The following KIFBP variants were observed in gnomAD, a reference collection of about 807,000 sequenced individuals.
KIFBP encodes kinesin family binding protein.
Under a neutral mutation model 58.9 loss-of-function variants are expected in KIFBP, and 46 were observed. The observed-to-expected ratio is 0.78, with a 90% CI of 0.62 to 1.00. KIFBP has a LOEUF of 1.00. Among genes scored for constraint, KIFBP ranks in the 50% least tolerant of loss-of-function variants. The pLI, the probability that KIFBP is intolerant of heterozygous loss-of-function variation, is 0.00. For missense variants in KIFBP, 651 were observed against 752.9 expected, an observed-to-expected ratio of 0.86 and a Z score of 1.58; for synonymous variants, 241 against 283.4, an observed-to-expected ratio of 0.85 and a Z score of 1.50.
At chr10:69,010,166 G>A (rs1476004323) in intron 5 of KIFBP, among the ~76,000 whole-genome samples, 1 of 152,142 alleles carries the variant, frequency 6.6e-6, no homozygotes, top group Non-Finnish European at 1.5e-5. Context: ...ACAGTGACCA[G>A]TGTTTTCAAA....
In KIFBP at chr10:69,016,328, T is replaced by C; in HGVS notation, c.1778T>C (p.Ile593Thr). 2 of 1,610,870 alleles carry C rather than the reference T, an allele frequency of 1.2e-6. No individual in the cohort carries two copies. The highest frequency in any genetic ancestry group is 1.7e-6 in the Non-Finnish European group (2 of 1,178,744). ...CEKHPEAAQEIEVELELSKEM... is the reference protein window; with the variant it reads ...CEKHPEAAQETEVELELSKEM... ...AAGCATCCTGAGGCCGCCCAGGAAA[T>C]AGAAGTTGAGCTAGAACTTAGTAAA... Residue 593 changes from isoleucine to threonine, a missense_variant, in exon 7 of 7, where the codon ATA becomes ACA. Transcript: ENST00000361983.
At chr10:69,008,391 A>AATATATATAT (rs1173764355) in intron 4 of KIFBP, among the ~76,000 whole-genome samples, 98 of 71,570 alleles carry the variant, frequency 1.4e-3, no homozygotes, top group Middle Eastern at 0.01. Flanking sequence ...AAAAAAAAAA[A>AATATATATAT]ATATATATAT....
intron 4 of KIFBP, among the ~76,000 whole-genome samples, chr10:69,006,456 A>G (rs1843537681): frequency 6.6e-6 from 1 of 152,290 alleles, no homozygotes; most frequent in South Asian, 2.1e-4. Flanking sequence ...CACAGGGACA[A>G]TGTTTTTGAG....
chr10:69,001,945 G>A (rs1015715556), intron 2 of KIFBP, among the ~76,000 whole-genome samples: 26 of 152,062 alleles, frequency 1.7e-4, no homozygotes, highest in African/African-American at 6.3e-4. Context: ...TGAGGCTGGA[G>A]GATCACTTGA....
chr10:69,005,670 C>A, intron 3 of KIFBP, 62 bp from the exon 4 acceptor site: 1 of 1,313,328 alleles, frequency 7.6e-7, no homozygotes, highest in Non-Finnish European at 1.1e-6. Flanking sequence ...GAGACTCTGT[C>A]TCAGGAAAAA....
intron 2 of KIFBP, among the ~76,000 whole-genome samples, chr10:69,001,379 CT>C (rs938963539): frequency 5.3e-5 from 8 of 152,120 alleles, no homozygotes; most frequent in South Asian, 2.1e-4. Flanking sequence ...CCTTAATAAA[CT>C]TTTTTTTAAT....
chr10:69,004,999 G>A (rs1171109546), intron 2 of KIFBP, 47 bp from the exon 3 acceptor site: 17 of 1,376,130 alleles, frequency 1.2e-5, no homozygotes, highest in African/African-American at 4.3e-5. Flanking sequence ...GGCACTTGGT[G>A]TTTACAGTTT....
chr10:68,989,594 G>T, intron 1 of KIFBP: 1 of 403,012 alleles, frequency 2.5e-6, no homozygotes, highest in Non-Finnish European at 4.5e-6. Context: ...CTCTCCACCA[G>T]TCCAACTCCT....
intron 6 of KIFBP, among the ~76,000 whole-genome samples, chr10:69,014,715 T>TTC (rs1468933436): frequency 7.5e-6 from 1 of 133,286 alleles, no homozygotes; most frequent in African/African-American, 2.9e-5. Flanking sequence ...TTTTTTTATT[T>TTC]GCCCCCCCCC....
At chr10:69,006,010 G>A in intron 4 of KIFBP, 95 bp downstream of exon 4, 1 of 1,196,708 alleles carries the variant, frequency 8.4e-7, no homozygotes, top group South Asian at 1.4e-5. Flanking sequence ...TTAAAAACAG[G>A]TAGCTTGTAT....
At chr10:69,012,982 T>A (rs983584478) in intron 6 of KIFBP, among the ~76,000 whole-genome samples, 1 of 151,946 alleles carries the variant, frequency 6.6e-6, no homozygotes, top group African/African-American at 2.4e-5. Context: ...CTCAGGAAAC[T>A]TAGAATCATG....
intron 5 of KIFBP, among the ~76,000 whole-genome samples, chr10:69,010,519 C>T (rs909038160): frequency 5.9e-5 from 9 of 152,192 alleles, no homozygotes; most frequent in Admixed American, 5.2e-4. Context: ...TCTCCACAAC[C>T]ATCTGTTGTG....
chr10:68,993,083 C>A (rs1245666993), intron 1 of KIFBP, among the ~76,000 whole-genome samples: 1 of 152,160 alleles, frequency 6.6e-6, no homozygotes, highest in South Asian at 2.1e-4. Flanking sequence ...TGTTTCTGGG[C>A]TCTCGTTGGG....
chr10:68,999,969 T>C (rs963761918), intron 1 of KIFBP, among the ~76,000 whole-genome samples: 6 of 141,718 alleles, frequency 4.2e-5, no homozygotes, highest in Admixed American at 7.9e-5. Flanking sequence ...GGTATGAACC[T>C]GGGAGGCAGA....
Position 69,016,629 on chromosome 10 carries a change from T to C in KIFBP, c.*213T>C. 1.8e-6 allele frequency: 1 copy of C among 544,510 alleles called. No individual in the cohort carries two copies. Among genetic ancestry groups the C allele is most frequent in the East Asian group, 3.0e-5 (1 of 33,752 alleles). 33.7% of individuals were successfully genotyped at this position (544,510 alleles called of 1,614,324 possible). ...TATGTAAATTGCCTTGTTAAAGACA[T>C]GTGATTTGTATTTTAGATGCTTGTT... On this transcript the variant is annotated 3_prime_UTR_variant, in exon 7 of 7. Coordinates refer to ENST00000361983, the MANE Select transcript of KIFBP (RefSeq NM_015634.4).
At chr10:68,991,376 A>G in intron 1 of KIFBP, 1 of 331,852 alleles carries the variant, frequency 3.0e-6, no homozygotes, top group South Asian at 2.9e-5. Flanking sequence ...TGATCGGTGT[A>G]TACACAAGTT....
chr10:68,989,577 C>T (rs1409177739), intron 1 of KIFBP: 4 of 464,964 alleles, frequency 8.6e-6, no homozygotes, highest in Admixed American at 3.8e-5. Context: ...CATCGTCATG[C>T]GCTTTCCTCT....
At chr10:68,995,357 C>G (rs1412378476) in intron 1 of KIFBP, 1 of 151,964 alleles carries the variant, frequency 6.6e-6, no homozygotes, top group Admixed American at 6.6e-5. Flanking sequence ...TTTGGTATAC[C>G]TTTTTTCCAC....
chr10:69,000,044 C>CAAAAAA (rs766080138), intron 1 of KIFBP, among the ~76,000 whole-genome samples: 1 of 50,680 alleles, frequency 2.0e-5, no homozygotes, highest in Non-Finnish European at 4.1e-5. Flanking sequence ...GACTCCGTCT[C>CAAAAAA]AAAAAAAAAA....
Sources: gnomAD v4.1 joint callset for allele counts (sites outside exome capture counted in the v4.1 genomes callset) on GRCh38, gnomAD v4.1.1 for gene constraint, MANE v1.5 for transcripts, NCBI Gene and HGNC (gene_info 2026-07-23, HGNC 2026-07-21) for gene names.